Variants in KIF5C observed in about 807,000 individuals in gnomAD.
KIF5C encodes kinesin heavy chain isoform 5C.
KIF5C carries 18 observed loss-of-function variants against 125.2 expected under a neutral mutation model. The observed-to-expected ratio is 0.14, with a 90% CI of 0.10 to 0.21. The LOEUF (loss-of-function observed/expected upper bound fraction) is 0.21. Among genes scored for constraint, KIF5C ranks in the 10% least tolerant of loss-of-function variants. The pLI is 1.00. For synonymous variants in KIF5C, 405 were observed against 434.0 expected, an observed-to-expected ratio of 0.93 and a Z score of 0.83; for missense variants, 780 against 1,183.8, an observed-to-expected ratio of 0.66 and a Z score of 5.01.
chr2:148,991,309 G>GT, intron 16 of KIF5C, 111 bp downstream of exon 16: 1 of 1,442,810 alleles, frequency 6.9e-7, no homozygotes, highest in South Asian at 1.5e-5. Flanking sequence ...GGACTGCTTT[G>GT]TGTAAGCTTG....
chr2:148,915,674 G>T (rs1681517101), intron 1 of KIF5C, among the ~76,000 whole-genome samples: 2 of 152,226 alleles, frequency 1.3e-5, no homozygotes, highest in African/African-American at 4.8e-5. Flanking sequence ...AAAATGTCTT[G>T]AATTTTGCCT....
chr2:148,943,816 C>T (rs75725235), intron 7 of KIF5C, among the ~76,000 whole-genome samples: 1 of 152,184 alleles, frequency 6.6e-6, no homozygotes, highest in African/African-American at 2.4e-5. Context: ...TGGTCCAGAA[C>T]TGTAATTCTC....
At chr2:148,914,515 C>T (rs971912715) in intron 1 of KIF5C, among the ~76,000 whole-genome samples, 4 of 152,218 alleles carry the variant, frequency 2.6e-5, no homozygotes, top group African/African-American at 7.2e-5. Flanking sequence ...GGAATTTTGG[C>T]AGAAAGGAAA....
At chr2:148,939,683 A>G (rs1682365086) in intron 4 of KIF5C, among the ~76,000 whole-genome samples, 1 of 152,210 alleles carries the variant, frequency 6.6e-6, no homozygotes, top group Non-Finnish European at 1.5e-5. Flanking sequence ...TTTATAAATA[A>G]TAAGTGGGCA....
At chr2:148,893,973 T>C (rs1006026733) in intron 1 of KIF5C, among the ~76,000 whole-genome samples, 1 of 152,130 alleles carries the variant, frequency 6.6e-6, no homozygotes, top group Non-Finnish European at 1.5e-5. Context: ...ACTCACTGTT[T>C]AGTAGAGGAG....
intron 10 of KIF5C, among the ~76,000 whole-genome samples, chr2:148,957,312 A>C (rs971002994): frequency 3.3e-5 from 5 of 150,948 alleles, no homozygotes; most frequent in African/African-American, 1.2e-4. Context: ...AGATATTAAC[A>C]AAGGAGGAAA....
chr2:148,971,709 G>A (rs1680916862), intron 11 of KIF5C, among the ~76,000 whole-genome samples: 1 of 152,202 alleles, frequency 6.6e-6, no homozygotes, highest in South Asian at 2.1e-4. Context: ...TGATACAAAA[G>A]TGAAAGCATT....
At chr2:148,913,175 C>G (rs1199368603) in intron 1 of KIF5C, among the ~76,000 whole-genome samples, 1 of 152,110 alleles carries the variant, frequency 6.6e-6, no homozygotes, top group African/African-American at 2.4e-5. Flanking sequence ...GTTCTAAACC[C>G]AAATGTGTGG....
Position 148,881,996 on chromosome 2 carries a change from T to C in KIF5C, c.126+6253T>C, listed in dbSNP as rs185304100. On this transcript the variant is annotated intron_variant, in intron 1 of 25. Coordinates refer to ENST00000435030, the MANE Select transcript of KIF5C (RefSeq NM_004522.3). ...TCTTCCAGGTTTTTTTTCATAAAGTTCTAATTTTGTGGCTGAGAAAGCTCT... is the reference window on the plus strand; with the variant it reads ...TCTTCCAGGTTTTTTTTCATAAAGTCCTAATTTTGTGGCTGAGAAAGCTCT... 8.5e-5 allele frequency among the ~76,000 whole-genome samples: 13 copies of C among 152,328 alleles called. 1 individual carries two copies. The highest frequency in any genetic ancestry group is 7.2e-4 in the Admixed American group (11 of 15,302).
chr2:148,936,491 G>C (rs1682294676), intron 3 of KIF5C, among the ~76,000 whole-genome samples: 1 of 152,212 alleles, frequency 6.6e-6, no homozygotes. Context: ...TCTTCATTAG[G>C]AGTTGCTGTC....
At chr2:148,915,663 C>A (rs1340427908) in intron 1 of KIF5C, among the ~76,000 whole-genome samples, 1 of 152,224 alleles carries the variant, frequency 6.6e-6, no homozygotes, top group Non-Finnish European at 1.5e-5. Context: ...ACTTTGGGAG[C>A]AAAATGTCTT....
At chr2:148,880,360 A>G (rs894779829) in intron 1 of KIF5C, among the ~76,000 whole-genome samples, 1 of 152,216 alleles carries the variant, frequency 6.6e-6, no homozygotes, top group Admixed American at 6.5e-5. Flanking sequence ...ACTTCAGGTG[A>G]TCCACCTGCC....
At chr2:148,882,879 A>T (rs1460573246) in intron 1 of KIF5C, among the ~76,000 whole-genome samples, 2 of 152,158 alleles carry the variant, frequency 1.3e-5, no homozygotes, top group African/African-American at 4.8e-5. Context: ...GAAAACCTTG[A>T]GGGCAGGAAA....
At chr2:148,992,954 C>A (rs1436030421) in intron 16 of KIF5C, among the ~76,000 whole-genome samples, 2 of 152,218 alleles carry the variant, frequency 1.3e-5, no homozygotes, top group Non-Finnish European at 2.9e-5. Flanking sequence ...ACCCCATGGC[C>A]TGCAGCCCAC....
chr2:148,945,829 T>G (rs1682508201), intron 7 of KIF5C, among the ~76,000 whole-genome samples: 1 of 152,168 alleles, frequency 6.6e-6, no homozygotes, highest in Non-Finnish European at 1.5e-5. Context: ...CATATAAATT[T>G]TAGGATGGAT....
chr2:148,936,363 T>A (rs1682291507), intron 3 of KIF5C, among the ~76,000 whole-genome samples: 1 of 152,216 alleles, frequency 6.6e-6, no homozygotes, highest in Non-Finnish European at 1.5e-5. Context: ...ACCTGCAGAC[T>A]GTGTGTTTGT....
At chr2:148,952,860 G>A (rs550306111) in intron 10 of KIF5C, among the ~76,000 whole-genome samples, 10 of 152,250 alleles carry the variant, frequency 6.6e-5, no homozygotes, top group South Asian at 2.1e-4. Context: ...CTTTTCCTTC[G>A]TCTTAAATAA....
intron 10 of KIF5C, among the ~76,000 whole-genome samples, chr2:148,955,929 T>C (rs1023206269): frequency 2.0e-5 from 3 of 152,212 alleles, no homozygotes; most frequent in East Asian, 3.8e-4. Context: ...ATAAAAGGTA[T>C]GAAGGTACCA....
At chr2:148,932,806 A>G (rs1466659413) in intron 3 of KIF5C, among the ~76,000 whole-genome samples, 1 of 152,148 alleles carries the variant, frequency 6.6e-6, no homozygotes, top group Non-Finnish European at 1.5e-5. Flanking sequence ...CACGGTGCTC[A>G]TGTGCTGACG....
Sources: gnomAD v4.1 joint callset for allele counts (sites outside exome capture counted in the v4.1 genomes callset) on GRCh38, gnomAD v4.1.1 for gene constraint, MANE v1.5 for transcripts, NCBI Gene and HGNC (gene_info 2026-07-23, HGNC 2026-07-21) for gene names.